XXYLT1: variants seen among roughly 807,000 people sequenced by gnomAD.
XXYLT1 encodes the protein UDP-xylose:alpha-xyloside alpha-1,3-xylosyltransferase.
XXYLT1 carries 20 observed loss-of-function variants against 28.9 expected under a neutral mutation model. The observed-to-expected ratio is 0.69, with a 90% confidence interval of 0.49 to 1.00. XXYLT1 has a LOEUF of 1.00. XXYLT1 is among the 50% of genes least tolerant of loss of function. The probability of loss-of-function intolerance (pLI) is 0.00; values close to 1 mark genes in which losing one functional copy is unlikely to be tolerated. For missense variants in XXYLT1, 542 were observed against 560.1 expected, an observed-to-expected ratio of 0.97 and a Z score of 0.33; for synonymous variants, 257 against 253.8, an observed-to-expected ratio of 1.01 and a Z score of -0.12.
At chr3:195,169,399 CGGT>C (rs897137664) in intron 2 of XXYLT1, among the ~76,000 whole-genome samples, 5 of 152,328 alleles carry the variant, frequency 3.3e-5, no homozygotes, top group African/African-American at 1.2e-4. Context: ...AAACAAGCCA[CGGT>C]GCCAGCCCAG....
At chr3:195,098,551 T>TCAA (rs955881514) in intron 3 of XXYLT1, among the ~76,000 whole-genome samples, 2 of 152,160 alleles carry the variant, frequency 1.3e-5, no homozygotes, top group African/African-American at 4.8e-5. Context: ...AGAGACTGTC[T>TCAA]CAACAACAAC....
intron 1 of XXYLT1, among the ~76,000 whole-genome samples, chr3:195,266,812 T>C (rs1420164239): frequency 2.0e-5 from 3 of 152,178 alleles, no homozygotes; most frequent in Non-Finnish European, 2.9e-5. Context: ...GCCCACAGGC[T>C]GGGGTGGGGC....
intron 3 of XXYLT1, among the ~76,000 whole-genome samples, chr3:195,082,571 G>A (rs1295849489): frequency 1.3e-5 from 2 of 152,196 alleles, no homozygotes; most frequent in South Asian, 2.1e-4. Flanking sequence ...AGGATCTCTC[G>A]GCTGGGCACG....
intron 3 of XXYLT1, among the ~76,000 whole-genome samples, chr3:195,079,836 A>G (rs1021856830): frequency 1.3e-5 from 2 of 152,136 alleles, no homozygotes; most frequent in South Asian, 2.1e-4. Flanking sequence ...GGCTCTGTGT[A>G]ATACAATCGG....
chr3:195,225,376 T>C (rs1724004466), intron 2 of XXYLT1, among the ~76,000 whole-genome samples: 1 of 152,200 alleles, frequency 6.6e-6, no homozygotes, highest in South Asian at 2.1e-4. Context: ...TGCTTTTCCC[T>C]GTGGCAGGAC....
intron 3 of XXYLT1, among the ~76,000 whole-genome samples, chr3:195,140,802 G>GC (rs1298296301): frequency 6.6e-6 from 1 of 152,152 alleles, no homozygotes; most frequent in Admixed American, 6.5e-5. Flanking sequence ...CTCCCACCCA[G>GC]CCCCTCCTCT....
At chr3:195,222,014 T>A (rs1053226841) in intron 2 of XXYLT1, among the ~76,000 whole-genome samples, 13 of 152,160 alleles carry the variant, frequency 8.5e-5, no homozygotes, top group Non-Finnish European at 2.9e-5. Flanking sequence ...CTTGCTCAGA[T>A]GTGGTTCTGG....
chr3:195,251,415 C>T (rs1725248511), intron 1 of XXYLT1, among the ~76,000 whole-genome samples: 1 of 152,220 alleles, frequency 6.6e-6, no homozygotes, highest in Non-Finnish European at 1.5e-5. Flanking sequence ...GGAGCCAGCC[C>T]AGAAGCCAGG....
chr3:195,240,636 G>C lies in XXYLT1; in HGVS notation c.505-13780C>G, dbSNP rs1724735357. The stretch of plus-strand genomic sequence containing the variant: ...CACTCCTCTGGCCACAGACAGCAAC[G>C]CCACAGGTCGGCCGGAGGCCAAGGG... On this transcript the variant is annotated intron_variant, in intron 1 of 3. Coordinates refer to ENST00000310380, the MANE Select transcript of XXYLT1 (RefSeq NM_152531.5). The surrounding 1 kb of genome is among the most constrained non-coding windows in gnomAD (Gnocchi z 4.7). Among the ~76,000 whole-genome samples, 1 of 152,228 alleles carries C rather than the reference G, an allele frequency of 6.6e-6. No individual in the cohort carries two copies. The highest frequency in any genetic ancestry group is 6.5e-5 in the Admixed American group (1 of 15,282).
intron 1 of XXYLT1, among the ~76,000 whole-genome samples, chr3:195,245,263 C>A (rs1467392695): frequency 6.7e-6 from 1 of 149,264 alleles, no homozygotes; most frequent in South Asian, 2.1e-4. Flanking sequence ...CGGGTTCAAG[C>A]GATTCTCCTG....
chr3:195,235,878 A>C (rs1200026207), intron 1 of XXYLT1, among the ~76,000 whole-genome samples: 1 of 151,616 alleles, frequency 6.6e-6, no homozygotes, highest in Non-Finnish European at 1.5e-5. Context: ...ATCTCTCTAT[A>C]TATCTATAAA....
Position 195,150,957 on chromosome 3 carries a change from C to T in XXYLT1, c.785+5492G>A, listed in dbSNP as rs1378173081. The stretch of plus-strand genomic sequence containing the variant: ...GCCTGAAGCCAAGCCATGACCAGGC[C>T]TCCTGGTCCCAGTGGCCTCCCCAAA... On this transcript the variant is annotated intron_variant, in intron 3 of 3. Transcript: ENST00000310380. The surrounding 1 kb of genome is among the most constrained non-coding windows in gnomAD (Gnocchi z 4.7). Among the ~76,000 whole-genome samples, 1 of 152,090 alleles carries T rather than the reference C, an allele frequency of 6.6e-6. No individual in the cohort carries two copies. Among genetic ancestry groups the T allele is most frequent in the Non-Finnish European group, 1.5e-5 (1 of 68,024 alleles).
At chr3:195,141,375 T>C (rs923621954) in intron 3 of XXYLT1, among the ~76,000 whole-genome samples, 2 of 152,250 alleles carry the variant, frequency 1.3e-5, no homozygotes, top group Non-Finnish European at 2.9e-5. Context: ...CATAGTTTGC[T>C]ACGTGAGTGT....
At position 195,270,863 on chromosome 3, in the gene XXYLT1, G is replaced by A; in HGVS notation, c.196C>T (p.Pro66Ser). The change falls in exon 1 of 4, where the codon CCC (proline) becomes TCC (serine). Residue 66 changes from proline (P) to serine (S), a missense_variant. Pro to Ser is a moderately conservative substitution (Grantham distance 74). Transcript: ENST00000310380. ...KEARAGAPAA[P>S]SPPALELARG... ...GCTAGCTCCAGCGCGGGCGGCGAGG[G>A]CGCGGCGGGAGCCCCGGCGCGGGCC... 2 of 1,408,214 alleles carry A rather than the reference G, an allele frequency of 1.4e-6. No homozygotes were observed. The highest frequency in any genetic ancestry group is 1.8e-6 in the Non-Finnish European group (2 of 1,086,212). 87.2% of individuals were successfully genotyped at this position (1,408,214 alleles called of 1,614,324 possible).
At position 195,195,803 on chromosome 3, in the gene XXYLT1, A is replaced by G. The variant is rs978362172; in HGVS notation, c.652+30906T>C. Among the ~76,000 whole-genome samples, 2 of 152,276 alleles carry G rather than the reference A, an allele frequency of 1.3e-5. No homozygotes were observed. The highest frequency in any genetic ancestry group is 4.8e-5 in the African/African-American group (2 of 41,554). On this transcript the variant is annotated intron_variant, in intron 2 of 3. Coordinates refer to ENST00000310380, the MANE Select transcript of XXYLT1 (RefSeq NM_152531.5). The surrounding 1 kb of genome is among the most constrained non-coding windows in gnomAD (Gnocchi z 4.4). ...TCACCCCTCTGGCCTGCAGGAGTTC[A>G]GCACCGCCAGCCACACCTGCCATGG...
intron 2 of XXYLT1, among the ~76,000 whole-genome samples, chr3:195,213,285 A>T: frequency 7.2e-6 from 1 of 138,140 alleles, no homozygotes; most frequent in Non-Finnish European, 1.5e-5. Context: ...TTTTTTTGAG[A>T]CGGAGCTTCG....
At chr3:195,125,597 G>T (rs1233679324) in intron 3 of XXYLT1, among the ~76,000 whole-genome samples, 6 of 152,228 alleles carry the variant, frequency 3.9e-5, no homozygotes, top group Non-Finnish European at 8.8e-5. Flanking sequence ...CTCTTTCGGT[G>T]GGGGGTCATC....
At chr3:195,086,501 A>G (rs866648820) in intron 3 of XXYLT1, among the ~76,000 whole-genome samples, 2 of 152,212 alleles carry the variant, frequency 1.3e-5, no homozygotes, top group African/African-American at 4.8e-5. Flanking sequence ...TGTATTCAAC[A>G]AACACAGTGG....
At position 195,226,737 on chromosome 3, in the gene XXYLT1, C is replaced by A; in HGVS notation, c.624G>T (p.Ser208=). The change falls in exon 2 of 4, where the codon TCG becomes TCT. Residue 208 remains serine, a synonymous_variant. Coordinates refer to ENST00000310380, the MANE Select transcript of XXYLT1 (RefSeq NM_152531.5). ...TYYSDSIFFL[S]VAMHQIMPKE... ...TGGGCATGATCTGATGCATGGCGAC[C>A]GAGAGGAAGAAGATGGAGTCACTGT... is the stretch of plus-strand genomic sequence containing the variant. 3 of 1,613,640 alleles carry A rather than the reference C, an allele frequency of 1.9e-6. No homozygotes were observed. Among genetic ancestry groups the A allele is most frequent in the Admixed American group, 1.7e-5 (1 of 59,914 alleles).
Sources: allele counts gnomAD v4.1 joint callset (sites outside exome capture counted in the v4.1 genomes callset), GRCh38; gene constraint gnomAD v4.1.1; non-coding constraint Gnocchi (gnomAD v3.1); transcripts MANE v1.5; gene names NCBI Gene and HGNC (gene_info 2026-07-23, HGNC 2026-07-21).